Variants in SIGLEC15 observed in about 807,000 individuals in gnomAD.
The protein encoded by SIGLEC15 is sialic acid binding Ig like lectin 15, also known as sialic acid-binding Ig-like lectin 15.
In SIGLEC15, 31 loss-of-function variants were observed where a neutral mutation model predicts 26.2. That is an observed-to-expected ratio of 1.18 (90% CI 0.89 to 1.60). The LOEUF is 1.60. Among genes scored for constraint, SIGLEC15 ranks in the 40% most tolerant of loss-of-function variants. SIGLEC15 has a pLI of 0.00. For synonymous variants in SIGLEC15, 207 were observed against 221.9 expected (o/e 0.93, Z 0.60); for missense variants, 501 against 488.4 (o/e 1.03, Z -0.24).
In SIGLEC15 at chr18:45,837,531, G is replaced by C. The variant is rs755648524; in HGVS notation, c.131G>C (p.Trp44Ser). The C allele has an allele frequency of 2.6e-6, 4 of 1,516,844 alleles. No homozygotes were observed. The highest frequency in any genetic ancestry group is 1.4e-5 in the African/African-American group (1 of 70,350). 94.0% of individuals were successfully genotyped at this position (1,516,844 alleles called of 1,614,324 possible). A position where few individuals can be genotyped will look rare whatever the true frequency, so the allele number is the denominator to read the frequency against. The change falls in exon 3 of 6, where the codon TGG (tryptophan) becomes TCG (serine). Residue 44 changes from tryptophan to serine, a missense_variant. Coordinates refer to ENST00000389474, the MANE Select transcript of SIGLEC15 (RefSeq NM_213602.3). ...TEVHSSPAQR[W>S]SMQVPPEVSA... ...CCCTCAGGCTCGCCAGCGCAGCGCT[G>C]GTCCATGCAGGTGCCACCCGAGGTG... is the stretch of plus-strand genomic sequence containing the variant.
chr18:45,842,236 G>A lies in SIGLEC15; in HGVS notation c.*49G>A. 6.3e-7 allele frequency: 1 copy of A among 1,599,620 alleles called. No individual in the cohort carries two copies. Among genetic ancestry groups the A allele is most frequent in the Non-Finnish European group, 8.6e-7 (1 of 1,166,866 alleles). ...CATTTCAGCACTGTAAAGAACAAAG[G>A]CCAGTGCGAGGCTTGGCTGGCACAG... On this transcript the variant is annotated 3_prime_UTR_variant, in exon 6 of 6. Coordinates refer to ENST00000389474, the MANE Select transcript of SIGLEC15 (RefSeq NM_213602.3).
chr18:45,840,287 G>A (rs772358700), intron 5 of SIGLEC15, 46 bp downstream of exon 5: 5 of 1,588,288 alleles, frequency 3.1e-6, no homozygotes, highest in Admixed American at 1.8e-5. Flanking sequence ...CACCCACCTA[G>A]TCCTCATCAC....
chr18:45,838,233 G>T (rs537813277), intron 3 of SIGLEC15, among the ~76,000 whole-genome samples: 1 of 152,300 alleles, frequency 6.6e-6, no homozygotes, highest in South Asian at 2.1e-4. Context: ...GGTGCAATGT[G>T]GTGTGTGCTA....
At chr18:45,828,951 C>A in intron 1 of SIGLEC15, 1 of 271,956 alleles carries the variant, frequency 3.7e-6, no homozygotes, top group Non-Finnish European at 5.6e-6. Context: ...GTTTAATGAG[C>A]CAGGGCACTT....
In SIGLEC15 at chr18:45,825,957, C is replaced by T. The variant is rs537515667; in HGVS notation, c.52+177C>T. Among the ~76,000 whole-genome samples the T allele has an allele frequency of 4.2e-4, 64 of 152,216 alleles. 1 individual carries two copies. Among genetic ancestry groups the T allele is most frequent in the Non-Finnish European group, 9.1e-4 (62 of 68,040 alleles). On this transcript the variant is annotated intron_variant, in intron 1 of 5. Transcript: ENST00000389474. ...CAGAAGCCAGAAGTTCAAATCAGTG[C>T]TGTGTCTTGGATTTCAGGTGACTTG...
Position 45,837,586 on chromosome 18 carries a change from G to A in SIGLEC15, c.186G>A (p.Leu62=). Residue 62 remains leucine (L), a synonymous_variant, in exon 3 of 6, where the codon CTG becomes CTA. Coordinates refer to ENST00000389474, the MANE Select transcript of SIGLEC15 (RefSeq NM_213602.3). The stretch of plus-strand genomic sequence containing the variant: ...CGGAGGCAGGCGACGCGGCAGTGCT[G>A]CCCTGCACCTTCACGCACCCGCACC... ...VSAEAGDAAV[L]PCTFTHPHRH... 4 of 1,513,550 alleles carry A rather than the reference G, an allele frequency of 2.6e-6. No individual in the cohort carries two copies. Among genetic ancestry groups the A allele is most frequent in the Non-Finnish European group, 3.5e-6 (4 of 1,138,366 alleles). 93.8% of individuals were successfully genotyped at this position (1,513,550 alleles called of 1,614,324 possible).
chr18:45,833,713 G>C (rs778067103), intron 1 of SIGLEC15, among the ~76,000 whole-genome samples: 7 of 152,152 alleles, frequency 4.6e-5, no homozygotes, highest in Non-Finnish European at 1.0e-4. Flanking sequence ...GTTTACTGCT[G>C]TCATTATTGT....
chr18:45,843,278 G>A lies in SIGLEC15; in HGVS notation c.*1091G>A, dbSNP rs1031738810. The A allele has an allele frequency of 3.9e-5, 6 of 152,276 alleles. No homozygotes were observed. The highest frequency in any genetic ancestry group is 7.3e-5 in the Non-Finnish European group (5 of 68,116). 9.4% of individuals were successfully genotyped at this position (152,276 alleles called of 1,614,324 possible). On this transcript the variant is annotated 3_prime_UTR_variant, in exon 6 of 6. Transcript: ENST00000389474. Reference sequence around the variant, plus strand: ...CTAACGCGGGCAGGCTGACTTGGAGGGGTGCTTCCCTATTTACACCTCAGG... The same window carrying A: ...CTAACGCGGGCAGGCTGACTTGGAGAGGTGCTTCCCTATTTACACCTCAGG...
chr18:45,832,194 C>T lies in SIGLEC15; in HGVS notation c.53-4835C>T, dbSNP rs2048241410. Among the ~76,000 whole-genome samples the T allele has an allele frequency of 2.0e-5, 3 of 152,240 alleles. No homozygotes were observed. In the South Asian group the frequency reaches 6.2e-4, roughly 32 times the overall value. Reference sequence around the variant, plus strand: ...CTCTACATACGTGGTTTCATTCAATCCTCAATCCTATGTGGAAGGTACTAT... The same window carrying T: ...CTCTACATACGTGGTTTCATTCAATTCTCAATCCTATGTGGAAGGTACTAT... On this transcript the variant is annotated intron_variant, in intron 1 of 5. Coordinates refer to ENST00000389474, the MANE Select transcript of SIGLEC15 (RefSeq NM_213602.3).
Position 45,825,785 on chromosome 18 carries a change from G to A in SIGLEC15, c.52+5G>A. The stretch of plus-strand genomic sequence containing the variant: ...TGGCGTGGGTTCTCCCGACAGGTGA[G>A]TGTCTGCTACTCTCTCTGGCCCATG... On this transcript the variant is annotated splice_donor_5th_base_variant and intron_variant, in intron 1 of 5. Coordinates refer to ENST00000389474, the MANE Select transcript of SIGLEC15 (RefSeq NM_213602.3). 1.2e-6 allele frequency: 2 copies of A among 1,614,244 alleles called. No homozygotes were observed. The highest frequency in any genetic ancestry group is 1.7e-6 in the Non-Finnish European group (2 of 1,180,030).
rs528604727 is a variant in SIGLEC15 at position 45,837,585 on chromosome 18, T to C, written c.185T>C (p.Leu62Pro). Residue 62 changes from leucine to proline, a missense_variant, in exon 3 of 6, where the codon CTG becomes CCG. By Grantham distance (98) the Leu-to-Pro change is moderately conservative. Coordinates refer to ENST00000389474, the MANE Select transcript of SIGLEC15 (RefSeq NM_213602.3). ...GCGGAGGCAGGCGACGCGGCAGTGC[T>C]GCCCTGCACCTTCACGCACCCGCAC... ...VSAEAGDAAV[L>P]PCTFTHPHRH... 2 of 1,512,468 alleles carry C rather than the reference T, an allele frequency of 1.3e-6. No individual in the cohort carries two copies. Among genetic ancestry groups the C allele is most frequent in the Admixed American group, 2.0e-5 (1 of 48,988 alleles). The allele number at this position is 1,512,468 out of a possible 1,614,324, so 93.7% of individuals were successfully genotyped here.
intron 1 of SIGLEC15, among the ~76,000 whole-genome samples, chr18:45,836,233 G>T (rs953051637): frequency 1.3e-5 from 2 of 152,148 alleles, no homozygotes; most frequent in South Asian, 4.1e-4. Flanking sequence ...GTGTGACTCT[G>T]AGCCTTCATT....
chr18:45,831,804 C>G (rs2048237513), intron 1 of SIGLEC15, among the ~76,000 whole-genome samples: 1 of 150,586 alleles, frequency 6.6e-6, no homozygotes, highest in Non-Finnish European at 1.5e-5. Context: ...GTGGGGCAAT[C>G]TCGGCTCACT....
chr18:45,837,209 G>T (rs907026071), intron 2 of SIGLEC15, 121 bp downstream of exon 2: 3 of 1,455,176 alleles, frequency 2.1e-6, no homozygotes, highest in African/African-American at 2.9e-5. Flanking sequence ...AAGAATATGG[G>T]GTCAAGGGGC....
Position 45,837,514 on chromosome 18 carries a change from C to A in SIGLEC15, c.114C>A (p.Ser38Arg). ...TENLLNTEVH[S>R]SPAQRWSMQV... ...TGACGCAGCCCGCCCCGCCCTCAGG[C>A]TCGCCAGCGCAGCGCTGGTCCATGC... Residue 38 changes from serine (S) to arginine (R), a missense_variant and splice_region_variant, in exon 3 of 6, where the codon AGC becomes AGA. Coordinates refer to ENST00000389474, the MANE Select transcript of SIGLEC15 (RefSeq NM_213602.3). The A allele has an allele frequency of 6.7e-7, 1 of 1,493,532 alleles. No individual in the cohort carries two copies. The highest frequency in any genetic ancestry group is 2.7e-5 in the East Asian group (1 of 37,534). The allele number at this position is 1,493,532 out of a possible 1,614,324, so 92.5% of individuals were successfully genotyped here. A position where few individuals can be genotyped will look rare whatever the true frequency, so the allele number is the denominator to read the frequency against.
Position 45,839,247 on chromosome 18 carries a change from C to T in SIGLEC15, c.874+152C>T, listed in dbSNP as rs2048304677. 1.0e-5 allele frequency: 12 copies of T among 1,160,810 alleles called. No homozygotes were observed. The East Asian group carries it at 3.9e-4, about 38-fold the overall frequency. 71.9% of individuals were successfully genotyped at this position (1,160,810 alleles called of 1,614,324 possible). ...CGCTTTCCTCTCTTTGCATGAAGCC[C>T]AGCAGGTGTAACCAGCACGAAAAAA... On this transcript the variant is annotated intron_variant, in intron 4 of 5. Transcript: ENST00000389474.
At chr18:45,831,743 C>CTTT (rs3068941) in intron 1 of SIGLEC15, among the ~76,000 whole-genome samples, 7,989 of 146,760 alleles carry the variant, frequency 0.054, 724 homozygotes, top group African/African-American at 0.18. Flanking sequence ...GTACCAACAT[C>CTTT]TTTTTTTTTT....
chr18:45,831,063 A>G lies in SIGLEC15; in HGVS notation c.52+5283A>G, dbSNP rs184530226. Among the ~76,000 whole-genome samples the G allele has an allele frequency of 7.9e-5, 12 of 152,340 alleles. No homozygotes were observed. The South Asian group carries it at 2.1e-3, about 26-fold the overall frequency. The stretch of plus-strand genomic sequence containing the variant: ...CCAGAGAGCTATGGCAACTTGCCCA[A>G]TGTCCCAAAGTCAGCATCAGAGCTA... On this transcript the variant is annotated intron_variant, in intron 1 of 5. Transcript: ENST00000389474.
Position 45,842,183 on chromosome 18 carries a change from C to A in SIGLEC15, c.983C>A (p.Pro328Gln), listed in dbSNP as rs767340625. The A allele has an allele frequency of 6.2e-7, 1 of 1,613,976 alleles. No individual in the cohort carries two copies. Residue 328 changes from proline to glutamine, a missense_variant, in exon 6 of 6, where the codon CCG (proline) becomes CAG (glutamine). Coordinates refer to ENST00000389474, the MANE Select transcript of SIGLEC15 (RefSeq NM_213602.3). ...PRSPPATMCS[P>Q] ...AGCCCACCAGCCACCATGTGCTCAC[C>A]GTGAGGAGTCCCTCAGCCACCAACA...
Sources: gnomAD v4.1 joint callset for allele counts (sites outside exome capture counted in the v4.1 genomes callset) on GRCh38, gnomAD v4.1.1 for gene constraint, MANE v1.5 for transcripts, NCBI Gene and HGNC (gene_info 2026-07-23, HGNC 2026-07-21) for gene names.